The following NBEA variants were observed in gnomAD, a reference collection of about 807,000 sequenced individuals.
NBEA encodes the protein lysosomal-trafficking regulator 2.
NBEA carries 44 observed loss-of-function variants against 343.4 expected under a neutral mutation model. That is an observed-to-expected ratio of 0.13 (90% CI 0.10 to 0.16). The LOEUF (loss-of-function observed/expected upper bound fraction) is 0.16, where lower values mean the gene tolerates loss of function less well. Among genes scored for constraint, NBEA ranks in the 10% least tolerant of loss-of-function variants. NBEA has a pLI of 1.00. For missense variants in NBEA, 2,555 were observed against 3,631.3 expected, an observed-to-expected ratio of 0.70 and a Z score of 7.62; for synonymous variants, 1,175 against 1,238.7, an observed-to-expected ratio of 0.95 and a Z score of 1.08.
chr13:35,594,992 A>ACACAC (rs35174924), intron 47 of NBEA, among the ~76,000 whole-genome samples: 3,462 of 130,620 alleles, frequency 0.027, 52 homozygotes, highest in African/African-American at 0.036. Flanking sequence ...CACACACACA[A>ACACAC]ATTGGCTTTT....
chr13:35,007,358 A>G (rs950832097), intron 1 of NBEA, among the ~76,000 whole-genome samples: 9 of 152,122 alleles, frequency 5.9e-5, no homozygotes, highest in African/African-American at 1.9e-4. Context: ...TAGTTCACTC[A>G]TTACTTCTTC....
chr13:35,251,626 A>G, intron 34 of NBEA: 2 of 1,114,208 alleles, frequency 1.8e-6, no homozygotes, highest in Non-Finnish European at 2.3e-6. Context: ...AGAGATGGCC[A>G]GATTTGAGGT....
At chr13:34,970,028 T>C (rs2152498276) in intron 1 of NBEA, among the ~76,000 whole-genome samples, 1 of 152,310 alleles carries the variant, frequency 6.6e-6, no homozygotes, top group African/African-American at 2.4e-5. Flanking sequence ...GTATAAGCAT[T>C]TCTTTTTCTC....
At chr13:35,543,007 G>A (rs1331214567) in intron 41 of NBEA, among the ~76,000 whole-genome samples, 1 of 151,876 alleles carries the variant, frequency 6.6e-6, no homozygotes, top group Non-Finnish European at 1.5e-5. Flanking sequence ...TCTGCAAAAA[G>A]TGTATATACT....
chr13:35,005,136 A>G (rs2061273657), intron 1 of NBEA, among the ~76,000 whole-genome samples: 1 of 151,860 alleles, frequency 6.6e-6, no homozygotes, highest in East Asian at 1.9e-4. Flanking sequence ...TTGTATTAGC[A>G]TTTGTTCTGG....
At chr13:35,231,173 G>A (rs769251447) in intron 33 of NBEA, among the ~76,000 whole-genome samples, 2 of 152,044 alleles carry the variant, frequency 1.3e-5, no homozygotes, top group Non-Finnish European at 2.9e-5. Context: ...CTGTTGACAC[G>A]GGTAAGAGGA....
At chr13:35,373,536 C>G (rs748586232) in intron 38 of NBEA, among the ~76,000 whole-genome samples, 4 of 145,104 alleles carry the variant, frequency 2.8e-5, no homozygotes, top group Admixed American at 1.3e-4. Context: ...AAAACCCCAT[C>G]TCTATAAAAA....
At chr13:35,446,226 T>C (rs1460033045) in intron 39 of NBEA, among the ~76,000 whole-genome samples, 1 of 152,156 alleles carries the variant, frequency 6.6e-6, no homozygotes, top group East Asian at 1.9e-4. Flanking sequence ...TTGATGGACA[T>C]TTGGGTTGGT....
At chr13:35,644,075 TA>T (rs1388487691) in intron 49 of NBEA, among the ~76,000 whole-genome samples, 1 of 152,058 alleles carries the variant, frequency 6.6e-6, no homozygotes, top group Non-Finnish European at 1.5e-5. Context: ...AATCAGAGGG[TA>T]AGGAATTACT....
At chr13:35,209,344 T>C (rs964150051) in intron 32 of NBEA, among the ~76,000 whole-genome samples, 3 of 152,154 alleles carry the variant, frequency 2.0e-5, no homozygotes, top group South Asian at 2.1e-4. Context: ...CTCAACTTGA[T>C]AAAAAGTGCA....
intron 38 of NBEA, among the ~76,000 whole-genome samples, chr13:35,358,783 A>G (rs2040642277): frequency 6.6e-6 from 1 of 152,198 alleles, no homozygotes; most frequent in African/African-American, 2.4e-5. Flanking sequence ...AAAAGTGCCA[A>G]GTACTTTGAA....
chr13:35,563,164 TA>T (rs1327908254), intron 44 of NBEA, among the ~76,000 whole-genome samples: 5 of 151,364 alleles, frequency 3.3e-5, no homozygotes, highest in Non-Finnish European at 7.4e-5. Flanking sequence ...GATAGATAGA[TA>T]GATAGATAGA....
intron 41 of NBEA, among the ~76,000 whole-genome samples, chr13:35,537,598 C>T (rs951407495): frequency 2.0e-5 from 3 of 151,778 alleles, no homozygotes; most frequent in African/African-American, 7.3e-5. Flanking sequence ...GCTATGAGAG[C>T]GTAAGATAGG....
In NBEA at chr13:35,654,288, C is replaced by G. The variant is rs568832435; in HGVS notation, c.8036-567C>G. 4.9e-4 allele frequency among the ~76,000 whole-genome samples: 74 copies of G among 152,266 alleles called. No homozygotes were observed. The South Asian group carries it at 0.015, about 32-fold the overall frequency. On this transcript the variant is annotated intron_variant, in intron 53 of 58. Transcript: ENST00000379939. ...TTTGTTCCTCTCCTCCCCTGCTAGC[C>G]CTTTCTGGAAAGGCCTTCTGTCTGT...
intron 37 of NBEA, among the ~76,000 whole-genome samples, chr13:35,351,104 G>T (rs1318079764): frequency 6.6e-6 from 1 of 151,882 alleles, no homozygotes; most frequent in Non-Finnish European, 1.5e-5. Context: ...TTACTGTAGG[G>T]TTATTTCTCC....
At chr13:35,321,589 G>A (rs553849915) in intron 36 of NBEA, among the ~76,000 whole-genome samples, 1 of 152,164 alleles carries the variant, frequency 6.6e-6, no homozygotes, top group Non-Finnish European at 1.5e-5. Context: ...ACCCACATGA[G>A]GAGGCACTCT....
intron 11 of NBEA, among the ~76,000 whole-genome samples, chr13:35,106,380 G>A (rs1185806356): frequency 1.3e-5 from 2 of 151,896 alleles, no homozygotes; most frequent in African/African-American, 4.8e-5. Flanking sequence ...TTCCCAGGCT[G>A]TGTTTTTTCC....
At chr13:35,526,090 A>C (rs1278744285) in intron 41 of NBEA, among the ~76,000 whole-genome samples, 1 of 152,196 alleles carries the variant, frequency 6.6e-6, no homozygotes, top group African/African-American at 2.4e-5. Context: ...CGTTGGTAAA[A>C]TGGGGATACA....
At position 35,413,768 on chromosome 13, in the gene NBEA, C is replaced by T. The variant is rs1040209558; in HGVS notation, c.6180-18501C>T. ...TTTTCTTGCAGTAGTACACTGTTCTCGTATAGCCACACTCATGAACAAAAT... is the reference window on the plus strand; with the variant it reads ...TTTTCTTGCAGTAGTACACTGTTCTTGTATAGCCACACTCATGAACAAAAT... On this transcript the variant is annotated intron_variant, in intron 38 of 58. Coordinates refer to ENST00000379939, the MANE Select transcript of NBEA (RefSeq NM_001385012.1). 4.6e-5 allele frequency among the ~76,000 whole-genome samples: 7 copies of T among 152,004 alleles called. No homozygotes were observed. In the East Asian group the frequency reaches 7.7e-4, roughly 17 times the overall value.
Sources: gnomAD v4.1 joint callset for allele counts (sites outside exome capture counted in the v4.1 genomes callset) on GRCh38, gnomAD v4.1.1 for gene constraint, MANE v1.5 for transcripts, NCBI Gene and HGNC (gene_info 2026-07-23, HGNC 2026-07-21) for gene names.